Variants in SLF2 observed in about 807,000 individuals in gnomAD.
SLF2 encodes the protein SMC5-SMC6 complex localization factor protein 2.
Under a neutral mutation model 124.3 loss-of-function variants are expected in SLF2, and 68 were observed. The ratio of observed to expected loss-of-function variants is 0.55; its 90% CI spans 0.45 to 0.67. The LOEUF (loss-of-function observed/expected upper bound fraction) is 0.67, where lower values mean the gene tolerates loss of function less well. Ranked by LOEUF, SLF2 falls within the 30% of genes least tolerant of loss-of-function variation. SLF2 has a pLI of 0.00. For synonymous variants in SLF2, 480 were observed against 478.8 expected (o/e 1.00, Z -0.03); for missense variants, 1,246 against 1,373.7 (o/e 0.91, Z 1.47).
Position 100,924,040 on chromosome 10 carries a change from A to G in SLF2, c.1039A>G (p.Ser347Gly). Reference sequence around the variant, plus strand: ...GAACTCTGTGGACTCAGATCTGAAAAGCACAAGAGAATCTATGATACCAAA... The same window carrying G: ...GAACTCTGTGGACTCAGATCTGAAAGGCACAAGAGAATCTATGATACCAAA... ...KRNSVDSDLKSTRESMIPKAR... is the reference protein window; with the variant it reads ...KRNSVDSDLKGTRESMIPKAR... The change falls in exon 5 of 20, where the codon AGC (serine) becomes GGC (glycine). Residue 347 changes from serine (S) to glycine (G), a missense_variant. Physicochemically the swap from Ser to Gly is moderately conservative, Grantham distance 56. Around this residue, in one of 3 missense-constraint regions of SLF2, gnomAD observed 698 missense variants for 708.9 expected, o/e 0.98. Coordinates refer to ENST00000238961, the MANE Select transcript of SLF2 (RefSeq NM_018121.4). 1.9e-6 allele frequency: 3 copies of G among 1,598,542 alleles called. No individual in the cohort carries two copies. The highest frequency in any genetic ancestry group is 1.8e-5 in the Admixed American group (1 of 55,416).
rs576810945 is a variant in SLF2, at chr10:100,917,626, G to A, written c.915+326G>A. 2.6e-5 allele frequency among the ~76,000 whole-genome samples: 4 copies of A among 152,220 alleles called. No homozygotes were observed. In the South Asian group the frequency reaches 8.3e-4, roughly 32 times the overall value. On this transcript the variant is annotated intron_variant, in intron 3 of 19. Coordinates refer to ENST00000238961, the MANE Select transcript of SLF2 (RefSeq NM_018121.4). Reference sequence around the variant, plus strand: ...CAGTCTTGCTCTGTTGCTCATGCTGGAGTGCTATGGCGTGATCATGTCTCA... The same window carrying A: ...CAGTCTTGCTCTGTTGCTCATGCTGAAGTGCTATGGCGTGATCATGTCTCA...
chr10:100,949,213 A>C (rs949398019), intron 15 of SLF2, among the ~76,000 whole-genome samples: 4 of 152,204 alleles, frequency 2.6e-5, no homozygotes, highest in African/African-American at 7.2e-5. Context: ...GATAATTAGC[A>C]GATAGTTCTC....
chr10:100,920,613 C>T (rs1849507328), intron 4 of SLF2, among the ~76,000 whole-genome samples: 1 of 152,158 alleles, frequency 6.6e-6, no homozygotes, highest in Admixed American at 6.5e-5. Context: ...ATATTTCAAT[C>T]TAGATAGCAT....
intron 17 of SLF2, among the ~76,000 whole-genome samples, chr10:100,953,439 C>G (rs1850261683): frequency 6.6e-6 from 1 of 150,790 alleles, no homozygotes; most frequent in African/African-American, 2.4e-5. Flanking sequence ...TCAAGAGCAG[C>G]CTGGGCAATG....
intron 4 of SLF2, among the ~76,000 whole-genome samples, chr10:100,918,858 A>C (rs1849472404): frequency 6.6e-6 from 1 of 151,878 alleles, no homozygotes; most frequent in South Asian, 2.1e-4. Context: ...TCCTGAGCTC[A>C]TGAGCCACCA....
intron 17 of SLF2, among the ~76,000 whole-genome samples, chr10:100,954,367 A>G (rs762788242): frequency 2.0e-5 from 3 of 152,250 alleles, no homozygotes; most frequent in Admixed American, 1.3e-4. Context: ...TAGTGTTAAT[A>G]TGAACATGCT....
intron 4 of SLF2, among the ~76,000 whole-genome samples, chr10:100,922,229 C>T (rs1322412832): frequency 6.6e-6 from 1 of 152,168 alleles, no homozygotes; most frequent in Non-Finnish European, 1.5e-5. Context: ...AGGCACATGC[C>T]ACTGCACCCG....
At chr10:100,925,004 G>C in intron 5 of SLF2, 32 bp downstream of exon 5, 2 of 1,556,460 alleles carry the variant, frequency 1.3e-6, no homozygotes, top group Non-Finnish European at 8.7e-7. Flanking sequence ...ATCTTTACTT[G>C]AAGAGGGAAA....
In SLF2 at chr10:100,924,354, A is replaced by G; in HGVS notation, c.1353A>G (p.Lys451=). 6.2e-7 allele frequency: 1 copy of G among 1,613,892 alleles called. No homozygotes were observed. Among genetic ancestry groups the G allele is most frequent in the Middle Eastern group, 1.6e-4 (1 of 6,062 alleles). ...LPLSQEKSAI[K]KASNLQKNKT... is the part of the protein sequence containing the mutation. The stretch of plus-strand genomic sequence containing the variant: ...TATCTCAGGAAAAGTCTGCAATTAA[A>G]AAAGCTAGCAACCTTCAGAAAAATA... The change falls in exon 5 of 20, where the codon AAA becomes AAG. Residue 451 remains lysine, a synonymous_variant. Transcript: ENST00000238961.
chr10:100,956,588 G>C (rs150448109), intron 18 of SLF2, 51 bp downstream of exon 18: 1 of 1,371,814 alleles, frequency 7.3e-7, no homozygotes, highest in Non-Finnish European at 1.0e-6. Context: ...TCTTGGTTAC[G>C]TTAATATTTA....
In SLF2 at chr10:100,916,873, C is replaced by T. The variant is rs1564768969; in HGVS notation, c.488C>T (p.Ser163Leu). 1.2e-6 allele frequency: 2 copies of T among 1,614,060 alleles called. No homozygotes were observed. Among genetic ancestry groups the T allele is most frequent in the Non-Finnish European group, 8.5e-7 (1 of 1,180,006 alleles). Residue 163 changes from serine to leucine, a missense_variant, in exon 3 of 20, where the codon TCA (serine) becomes TTA (leucine). Around this residue, in one of 3 missense-constraint regions of SLF2, gnomAD observed 698 missense variants for 708.9 expected, o/e 0.98. Coordinates refer to ENST00000238961, the MANE Select transcript of SLF2 (RefSeq NM_018121.4). ...SSYHLPKEMK[S>L]LKKKHRSPER... ...TATCACTTGCCAAAGGAGATGAAGT[C>T]ACTAAAGAAAAAACATCGATCCCCA... is the stretch of plus-strand genomic sequence containing the variant.
At position 100,916,611 on chromosome 10, in the gene SLF2, T is replaced by TA; in HGVS notation, c.227dup (p.Tyr76Ter). 7.0e-7 allele frequency: 1 copy of TA among 1,427,862 alleles called. No individual in the cohort carries two copies. Among genetic ancestry groups the TA allele is most frequent in the Non-Finnish European group, 9.2e-7 (1 of 1,088,034 alleles). 88.4% of individuals were successfully genotyped at this position (1,427,862 alleles called of 1,614,324 possible). The change falls in exon 3 of 20, where the codon TAT (tyrosine) becomes TAAT (stop). Residue 76 changes from tyrosine (Y) to a stop codon, truncating the protein, a stop_gained and frameshift_variant. Transcript: ENST00000238961. LOFTEE classifies it high-confidence loss of function. ...TTCACCACAAAAATCAAACATCAAATATGGAGGAAGTAGATTGTCTATCAC... is the reference window on the plus strand; with the variant it reads ...TTCACCACAAAAATCAAACATCAAATAATGGAGGAAGTAGATTGTCTATCAC... ...LDSPQKSNIK[Y>*]GGSRLSITGT...
Position 100,963,908 on chromosome 10 carries a change from T to C in SLF2, c.*1996T>C, listed in dbSNP as rs537153722. 6.5e-6 allele frequency: 1 copy of C among 152,736 alleles called. No individual in the cohort carries two copies. The highest frequency in any genetic ancestry group is 2.1e-4 in the South Asian group (1 of 4,832). 9.5% of individuals were successfully genotyped at this position (152,736 alleles called of 1,614,324 possible). A position where few individuals can be genotyped will look rare whatever the true frequency, so the allele number is the denominator to read the frequency against. ...AGAAAAAAATCTCTATTTTTAATTATATTTCTCCTTTAGAAAAAAAATACT... is the reference window on the plus strand; with the variant it reads ...AGAAAAAAATCTCTATTTTTAATTACATTTCTCCTTTAGAAAAAAAATACT... On this transcript the variant is annotated 3_prime_UTR_variant, in exon 20 of 20. Transcript: ENST00000238961.
intron 4 of SLF2, among the ~76,000 whole-genome samples, chr10:100,921,180 G>A (rs950773445): frequency 4.6e-5 from 7 of 152,216 alleles, no homozygotes; most frequent in African/African-American, 1.4e-4. Flanking sequence ...AGTACATTTC[G>A]TAACTGATTA....
rs755522913 is a variant in SLF2 at position 100,956,470 on chromosome 10, G to A, written c.3350G>A (p.Cys1117Tyr). 2 of 1,613,134 alleles carry A rather than the reference G, an allele frequency of 1.2e-6. No homozygotes were observed. Among genetic ancestry groups the A allele is most frequent in the Non-Finnish European group, 1.7e-6 (2 of 1,179,754 alleles). ...GCACAGAAACACTTTGTGCTACTCT[G>A]TGGGGCTTTGGAAAAGCATGTTAAA... ...SGQRKHFVLLCGALEKHVKCD... is the reference protein window; with the variant it reads ...SGQRKHFVLLYGALEKHVKCD... The change falls in exon 18 of 20, where the codon TGT (cysteine) becomes TAT (tyrosine). Residue 1117 changes from cysteine (C) to tyrosine (Y), a missense_variant. Coordinates refer to ENST00000238961, the MANE Select transcript of SLF2 (RefSeq NM_018121.4).
chr10:100,943,505 G>A (rs766231902), intron 11 of SLF2: 6 of 152,272 alleles, frequency 3.9e-5, no homozygotes, highest in Middle Eastern at 3.4e-3. Flanking sequence ...TCTATCTTTT[G>A]AAAGCTAAGT....
chr10:100,913,461 A>G (rs1300800056), intron 1 of SLF2: 24 of 1,315,440 alleles, frequency 1.8e-5, no homozygotes, highest in Middle Eastern at 2.9e-4. Context: ...CTCTTGGTCT[A>G]GTGACCACCA....
Position 100,931,024 on chromosome 10 carries a change from G to C in SLF2, c.2382G>C (p.Thr794=), listed in dbSNP as rs776894608. The C allele has an allele frequency of 6.2e-7, 1 of 1,614,044 alleles. No individual in the cohort carries two copies. The change falls in exon 9 of 20, where the codon ACG becomes ACC. Residue 794 remains threonine (T), a synonymous_variant. Coordinates refer to ENST00000238961, the MANE Select transcript of SLF2 (RefSeq NM_018121.4). Reference sequence around the variant, plus strand: ...TTTTGACAACACAAGGTTTCCTTACGTCTGCTTATCACTATGTCCAGTGTC... The same window carrying C: ...TTTTGACAACACAAGGTTTCCTTACCTCTGCTTATCACTATGTCCAGTGTC... ...QIFLTTQGFL[T]SAYHYVQCPV...
intron 6 of SLF2, among the ~76,000 whole-genome samples, chr10:100,927,571 A>G (rs1849637985): frequency 6.6e-6 from 1 of 152,132 alleles, no homozygotes; most frequent in South Asian, 2.1e-4. Context: ...ATATCTCTTC[A>G]AGTCTCTCCT....
Sources: allele counts gnomAD v4.1 joint callset (sites outside exome capture counted in the v4.1 genomes callset), GRCh38; gene constraint gnomAD v4.1.1; regional missense constraint gnomAD v4.1.1; transcripts MANE v1.5; gene names NCBI Gene and HGNC (gene_info 2026-07-23, HGNC 2026-07-21).